The following MYO6 variants were observed in gnomAD, a reference collection of about 807,000 sequenced individuals.
The protein encoded by MYO6 is unconventional myosin-VI.
MYO6 carries 74 observed loss-of-function variants against 178.7 expected under a neutral mutation model. The observed-to-expected ratio is 0.41, with a 90% CI of 0.34 to 0.50. The LOEUF is 0.50. Among genes scored for constraint, MYO6 ranks in the 20% least tolerant of loss-of-function variants. The pLI, the probability that MYO6 is intolerant of heterozygous loss-of-function variation, is 0.09. For synonymous variants in MYO6, 477 were observed against 504.6 expected (o/e 0.95, Z 0.73); for missense variants, 1,330 against 1,547.4 (o/e 0.86, Z 2.36).
chr6:75,755,657 C>T (rs185530757), intron 1 of MYO6, among the ~76,000 whole-genome samples: 4 of 152,152 alleles, frequency 2.6e-5, no homozygotes, highest in African/African-American at 9.6e-5. Context: ...GGTAGTGATC[C>T]GATAGTTACA....
At chr6:75,807,545 A>G (rs578191833) in intron 1 of MYO6, among the ~76,000 whole-genome samples, 2 of 151,420 alleles carry the variant, frequency 1.3e-5, no homozygotes, top group East Asian at 3.9e-4. Context: ...TTTTCCCCCT[A>G]TTTTCTATTG....
intron 1 of MYO6, among the ~76,000 whole-genome samples, chr6:75,780,109 G>A (rs938534995): frequency 6.6e-6 from 1 of 152,146 alleles, no homozygotes; most frequent in Non-Finnish European, 1.5e-5. Flanking sequence ...AAAAAAATTG[G>A]GTAGTGGCAA....
chr6:75,840,697 G>A lies in MYO6; in HGVS notation c.651+15G>A, dbSNP rs1426963696. The A allele has an allele frequency of 1.3e-6, 2 of 1,572,302 alleles. No individual in the cohort carries two copies. Among genetic ancestry groups the A allele is most frequent in the South Asian group, 2.2e-5 (2 of 89,974 alleles). ...TTAATGAAAAGGTAAGTGAGAGTAAGCTTTGGAATGATATTTTTGGGGAGT... is the reference window on the plus strand; with the variant it reads ...TTAATGAAAAGGTAAGTGAGAGTAAACTTTGGAATGATATTTTTGGGGAGT... On this transcript the variant is annotated intron_variant, in intron 8 of 34. Coordinates refer to ENST00000369977, the MANE Select transcript of MYO6 (RefSeq NM_004999.4).
At chr6:75,831,516 G>C (rs1223752909) in intron 5 of MYO6, among the ~76,000 whole-genome samples, 2 of 152,174 alleles carry the variant, frequency 1.3e-5, no homozygotes, top group Non-Finnish European at 2.9e-5. Context: ...AACATCACTG[G>C]AGAAAAGTTA....
At chr6:75,826,329 G>C (rs1363897573) in intron 3 of MYO6, among the ~76,000 whole-genome samples, 1 of 152,208 alleles carries the variant, frequency 6.6e-6, no homozygotes, top group Non-Finnish European at 1.5e-5. Flanking sequence ...TACTTCATCA[G>C]TTAGGAATTT....
chr6:75,870,527 G>A (rs949440138), intron 18 of MYO6, 120 bp from the exon 19 acceptor site: 3 of 781,186 alleles, frequency 3.8e-6, no homozygotes, highest in African/African-American at 1.7e-5. Context: ...AAACTGGAAT[G>A]TGTTGTATTT....
intron 30 of MYO6, among the ~76,000 whole-genome samples, chr6:75,905,673 C>T (rs1196525471): frequency 1.3e-5 from 2 of 152,238 alleles, no homozygotes; most frequent in South Asian, 2.1e-4. Context: ...AGAAATCACC[C>T]GTCTTCTGCG....
chr6:75,753,814 G>C (rs1777107875), intron 1 of MYO6, among the ~76,000 whole-genome samples: 1 of 152,056 alleles, frequency 6.6e-6, no homozygotes, highest in African/African-American at 2.4e-5. Flanking sequence ...AAATGGTTCT[G>C]ATTTTATTTG....
chr6:75,837,760 T>G (rs914370520), intron 7 of MYO6, among the ~76,000 whole-genome samples: 12 of 152,212 alleles, frequency 7.9e-5, no homozygotes, highest in Non-Finnish European at 1.5e-4. Context: ...TTATGTGGTG[T>G]TGTAACATAC....
chr6:75,885,530 G>A (rs1030026368), intron 23 of MYO6, among the ~76,000 whole-genome samples: 1 of 151,740 alleles, frequency 6.6e-6, no homozygotes, highest in Non-Finnish European at 1.5e-5. Context: ...CTCACCGCAA[G>A]CTCCGCCTCC....
At chr6:75,860,994 A>G (rs979774542) in intron 14 of MYO6, 29 bp from the exon 15 acceptor site, 5 of 1,451,292 alleles carry the variant, frequency 3.4e-6, no homozygotes, top group Non-Finnish European at 4.8e-6. Context: ...GTATTGCTGT[A>G]TCTATGATTA....
Position 75,908,610 on chromosome 6 carries a change from A to G in MYO6, c.3395A>G (p.Lys1132Arg). 1 of 1,613,614 alleles carries G rather than the reference A, an allele frequency of 6.2e-7. No individual in the cohort carries two copies. Among genetic ancestry groups the G allele is most frequent in the Non-Finnish European group, 8.5e-7 (1 of 1,179,680 alleles). ...RNTETEQRAP[K>R]SVTDYDFAPF... ...ACTGAAACAGAGCAACGTGCTCCAAAGTCTGTTACTGATTATGGTAAAGAG... is the reference window on the plus strand; with the variant it reads ...ACTGAAACAGAGCAACGTGCTCCAAGGTCTGTTACTGATTATGGTAAAGAG... The change falls in exon 32 of 35, where the codon AAG becomes AGG. Residue 1132 changes from lysine to arginine, a missense_variant. Physicochemically the swap from Lys to Arg is conservative, Grantham distance 26. Transcript: ENST00000369977.
At chr6:75,849,893 A>T (rs1775097846) in intron 11 of MYO6, among the ~76,000 whole-genome samples, 1 of 152,144 alleles carries the variant, frequency 6.6e-6, no homozygotes, top group Non-Finnish European at 1.5e-5. Flanking sequence ...GGGACTTTAC[A>T]AAGTATGTTT....
At chr6:75,837,900 A>G (rs1280190429) in intron 7 of MYO6, among the ~76,000 whole-genome samples, 2 of 152,174 alleles carry the variant, frequency 1.3e-5, no homozygotes, top group African/African-American at 4.8e-5. Flanking sequence ...TCAGTAAAAG[A>G]CTAATTAGTA....
chr6:75,814,515 A>G (rs79247554), intron 1 of MYO6, among the ~76,000 whole-genome samples: 260 of 152,172 alleles, frequency 1.7e-3, no homozygotes, highest in African/African-American at 6.1e-3. Context: ...TCCTTACCCT[A>G]AAGTGTTTTG....
chr6:75,777,684 C>A (rs528075878), intron 1 of MYO6, among the ~76,000 whole-genome samples: 2 of 151,954 alleles, frequency 1.3e-5, no homozygotes. Flanking sequence ...CTGTCTGCCC[C>A]CTGTGGCCTC....
chr6:75,845,203 C>T (rs901948430), intron 10 of MYO6, among the ~76,000 whole-genome samples: 1 of 152,170 alleles, frequency 6.6e-6, no homozygotes, highest in African/African-American at 2.4e-5. Context: ...GGCATCACTG[C>T]ATTGCTCTCC....
chr6:75,876,916 T>G (rs929092234), intron 20 of MYO6, among the ~76,000 whole-genome samples: 1 of 152,214 alleles, frequency 6.6e-6, no homozygotes, highest in African/African-American at 2.4e-5. Context: ...GAATTGTACT[T>G]TAACTTTCCA....
chr6:75,768,352 A>G (rs1778619788), intron 1 of MYO6, among the ~76,000 whole-genome samples: 1 of 125,574 alleles, frequency 8.0e-6, no homozygotes, highest in African/African-American at 3.1e-5. Flanking sequence ...ATTTTATTTT[A>G]TTTTATTTTA....
Sources: allele counts gnomAD v4.1 joint callset (sites outside exome capture counted in the v4.1 genomes callset), GRCh38; gene constraint gnomAD v4.1.1; transcripts MANE v1.5; gene names NCBI Gene and HGNC (gene_info 2026-07-23, HGNC 2026-07-21).